COLQ: variants seen among roughly 807,000 people sequenced by gnomAD.
COLQ encodes the protein acetylcholinesterase collagenic tail peptide.
In COLQ, 48 loss-of-function variants were observed where a neutral mutation model predicts 69.0. The observed-to-expected ratio is 0.70, with a 90% CI of 0.55 to 0.88. The LOEUF (loss-of-function observed/expected upper bound fraction) is 0.88, where lower values mean the gene tolerates loss of function less well. Among genes scored for constraint, COLQ ranks in the 40% least tolerant of loss-of-function variants. The pLI, the probability that COLQ is intolerant of heterozygous loss-of-function variation, is 0.00. For synonymous variants in COLQ, 217 were observed against 211.2 expected, an observed-to-expected ratio of 1.03 and a Z score of -0.24; for missense variants, 618 against 594.6, an observed-to-expected ratio of 1.04 and a Z score of -0.41.
At chr3:15,465,186 C>T (rs1029132975) in intron 12 of COLQ, among the ~76,000 whole-genome samples, 2 of 151,012 alleles carry the variant, frequency 1.3e-5, no homozygotes, top group African/African-American at 4.9e-5. Context: ...AAACAACATA[C>T]AAGGAAGCAG....
At chr3:15,504,571 C>T (rs1479636471) in intron 1 of COLQ, among the ~76,000 whole-genome samples, 1 of 152,148 alleles carries the variant, frequency 6.6e-6, no homozygotes. Context: ...AATATAGTCA[C>T]ATTCTGGCTG....
chr3:15,481,285 A>G (rs2062479416), intron 3 of COLQ, among the ~76,000 whole-genome samples: 1 of 152,192 alleles, frequency 6.6e-6, no homozygotes, highest in Admixed American at 6.5e-5. Context: ...GCCCATGCCT[A>G]TGTCCTGAAT....
Position 15,465,610 on chromosome 3 carries a change from C to CTTT in COLQ, c.814+728_814+730dup, listed in dbSNP as rs71045163. On this transcript the variant is annotated intron_variant, in intron 12 of 16. Transcript: ENST00000383788. ...TTATTTTAGTAATTTCTTTCTACATCTTTTTTTTTTTTTTTTTTTTTTGGA... is the reference window on the plus strand; with the variant it reads ...TTATTTTAGTAATTTCTTTCTACATCTTTTTTTTTTTTTTTTTTTTTTTTTGGA... 2.8e-3 allele frequency among the ~76,000 whole-genome samples: 267 copies of CTTT among 94,722 alleles called. 2 individuals carry two copies. The highest frequency in any genetic ancestry group is 0.01 in the African/African-American group (215 of 21,228). The allele number at this position is 94,722 out of a possible 152,430, so 62.1% of individuals were successfully genotyped here.
chr3:15,512,314 C>A (rs971920725), intron 1 of COLQ, among the ~76,000 whole-genome samples: 2 of 152,116 alleles, frequency 1.3e-5, no homozygotes, highest in African/African-American at 4.8e-5. Flanking sequence ...AGCCACGAGG[C>A]CTCTCCTTCA....
intron 12 of COLQ, among the ~76,000 whole-genome samples, chr3:15,463,436 TC>T (rs1196501334): frequency 1.3e-5 from 2 of 151,924 alleles, no homozygotes; most frequent in Non-Finnish European, 2.9e-5. Context: ...AAGCTCCGCC[TC>T]CCGGGTTCAT....
intron 8 of COLQ, among the ~76,000 whole-genome samples, chr3:15,474,591 G>A (rs1456182513): frequency 6.6e-6 from 1 of 152,158 alleles, no homozygotes; most frequent in Non-Finnish European, 1.5e-5. Context: ...GTTGTGTGGT[G>A]GTGAAAGCTT....
At chr3:15,477,233 G>A (rs1297543287) in intron 5 of COLQ, 36 bp from the exon 6 acceptor site, 1 of 1,561,550 alleles carries the variant, frequency 6.4e-7, no homozygotes, top group South Asian at 1.2e-5. Context: ...GGGCAACTGG[G>A]TTTGTTTCTT....
intron 11 of COLQ, among the ~76,000 whole-genome samples, chr3:15,470,141 A>G (rs2062257364): frequency 6.6e-6 from 1 of 152,196 alleles, no homozygotes; most frequent in Non-Finnish European, 1.5e-5. Flanking sequence ...AGACCTCTCA[A>G]CAGCAGGAAA....
rs1228548992 is a variant in COLQ, at chr3:15,521,531, G to A, written c.95C>T (p.Pro32Leu). ...TGGCCATCATTTACCTGCTGAGATTGGAAGAACGCTGTTGATGAAAGTCGG... is the reference window on the plus strand; with the variant it reads ...TGGCCATCATTTACCTGCTGAGATTAGAAGAACGCTGTTGATGAAAGTCGG... Reference protein sequence around the residue: ...SQPTFINSVLPISAALPSLDQ... With the variant: ...SQPTFINSVLLISAALPSLDQ... Residue 32 changes from proline to leucine, a missense_variant, in exon 1 of 17, where the codon CCA becomes CTA. Coordinates refer to ENST00000383788, the MANE Select transcript of COLQ (RefSeq NM_005677.4). 1 of 1,614,162 alleles carries A rather than the reference G, an allele frequency of 6.2e-7. No homozygotes were observed. The highest frequency in any genetic ancestry group is 1.7e-5 in the Admixed American group (1 of 60,024).
intron 1 of COLQ, among the ~76,000 whole-genome samples, chr3:15,497,036 CTTTTTT>C (rs371974104): frequency 2.8e-4 from 30 of 107,526 alleles, no homozygotes; most frequent in African/African-American, 9.2e-4. Context: ...GTCCTTTTGC[CTTTTTT>C]TTTTTTTTTT....
chr3:15,484,158 C>T (rs112748262), intron 3 of COLQ, among the ~76,000 whole-genome samples: 1,927 of 151,610 alleles, frequency 0.013, 44 homozygotes, highest in African/African-American at 0.044. Flanking sequence ...TGGGTCTTGA[C>T]TCTATCCAAT....
intron 1 of COLQ, among the ~76,000 whole-genome samples, chr3:15,510,366 G>T (rs1007927853): frequency 2.6e-5 from 4 of 151,988 alleles, no homozygotes; most frequent in Non-Finnish European, 1.5e-5. Context: ...GTCTAAAATG[G>T]AGACTCTTAT....
At chr3:15,483,575 A>G (rs1227376605) in intron 3 of COLQ, among the ~76,000 whole-genome samples, 1 of 152,188 alleles carries the variant, frequency 6.6e-6, no homozygotes, top group Non-Finnish European at 1.5e-5. Flanking sequence ...GTGGTCTGAG[A>G]GACAGTTTGT....
chr3:15,499,727 C>T (rs1484585781), intron 1 of COLQ, among the ~76,000 whole-genome samples: 23 of 152,190 alleles, frequency 1.5e-4, no homozygotes, highest in Non-Finnish European at 2.1e-4. Context: ...ACACAGTTCC[C>T]GCCCTTGGAA....
At position 15,450,416 on chromosome 3, in the gene COLQ, G is replaced by T. The variant is rs1371048352; in HGVS notation, c.*1228C>A. On this transcript the variant is annotated 3_prime_UTR_variant, in exon 17 of 17. Coordinates refer to ENST00000383788, the MANE Select transcript of COLQ (RefSeq NM_005677.4). ...AAATAGCTTCGTACAAAAACCCAAG[G>T]GTGTCCCTCCAGCTGGTAAAAATTG... The T allele has an allele frequency of 6.5e-6, 1 of 153,694 alleles. No individual in the cohort carries two copies. The highest frequency in any genetic ancestry group is 2.4e-5 in the African/African-American group (1 of 41,434). The allele number at this position is 153,694 out of a possible 1,614,324, so 9.5% of individuals were successfully genotyped here. A position where few individuals can be genotyped will look rare whatever the true frequency, so the allele number is the denominator to read the frequency against.
chr3:15,452,135 C>T (rs1394701284), intron 16 of COLQ, among the ~76,000 whole-genome samples: 2 of 148,816 alleles, frequency 1.3e-5, no homozygotes, highest in Non-Finnish European at 3.0e-5. Context: ...GGTGTGATCT[C>T]GGCTCACTGC....
At chr3:15,452,761 A>G (rs2061967621) in intron 16 of COLQ, among the ~76,000 whole-genome samples, 1 of 152,168 alleles carries the variant, frequency 6.6e-6, no homozygotes, top group African/African-American at 2.4e-5. Flanking sequence ...ATGGGCTTAG[A>G]GTCTGGGGGA....
chr3:15,498,019 A>G (rs2062771993), intron 1 of COLQ, among the ~76,000 whole-genome samples: 1 of 152,228 alleles, frequency 6.6e-6, no homozygotes. Context: ...TACAACCTAC[A>G]AAGAACAATT....
chr3:15,489,425 C>T (rs1014276799), intron 2 of COLQ, 100 bp downstream of exon 2: 25 of 1,094,418 alleles, frequency 2.3e-5, no homozygotes, highest in South Asian at 7.8e-5. Flanking sequence ...GAAAAGATTC[C>T]GGAGGCAGCT....
Sources: gnomAD v4.1 joint callset for allele counts (sites outside exome capture counted in the v4.1 genomes callset) on GRCh38, gnomAD v4.1.1 for gene constraint, MANE v1.5 for transcripts, NCBI Gene and HGNC (gene_info 2026-07-23, HGNC 2026-07-21) for gene names.